ETV6: variants seen among roughly 807,000 people sequenced by gnomAD.
ETV6 encodes the protein transcription factor ETV6.
ETV6 carries 16 observed loss-of-function variants against 51.1 expected under a neutral mutation model. That is an observed-to-expected ratio of 0.31 (90% CI 0.21 to 0.48). The LOEUF (loss-of-function observed/expected upper bound fraction) is 0.48, where lower values mean the gene tolerates loss of function less well. Ranked by LOEUF, ETV6 falls within the 20% of genes least tolerant of loss-of-function variation. ETV6 has a pLI of 0.99. For missense variants in ETV6, 458 were observed against 594.8 expected, an observed-to-expected ratio of 0.77 and a Z score of 2.39; for synonymous variants, 240 against 224.1, an observed-to-expected ratio of 1.07 and a Z score of -0.64.
intron 2 of ETV6, among the ~76,000 whole-genome samples, chr12:11,785,215 C>A (rs1945468817): frequency 6.6e-6 from 1 of 152,034 alleles, no homozygotes; most frequent in Non-Finnish European, 1.5e-5. Flanking sequence ...CCGTACCAAG[C>A]ATGTTCCTAC....
rs35812814 is a variant in ETV6 at position 11,892,210 on chromosome 12, A to ATTTTTTTTTTTTTTTTTTTTTTTTT, written c.*1187_*1188insTTTTTTTTTTTTTTTTTTTTTTTTT. ...GTGGTCAGTTTCATGCCCTCACCTG[A>ATTTTTTTTTTTTTTTTTTTTTTTTT]TTTTTTTTTTTTTTTTTTTTTTTCA... On this transcript the variant is annotated 3_prime_UTR_variant, in exon 8 of 8. Transcript: ENST00000396373. 7.7e-5 allele frequency: 11 copies of ATTTTTTTTTTTTTTTTTTTTTTTTT among 142,254 alleles called. No homozygotes were observed. The highest frequency in any genetic ancestry group is 4.2e-4 in the African/African-American group (10 of 23,878). The allele number at this position is 142,254 out of a possible 1,614,324, so 8.8% of individuals were successfully genotyped here.
At chr12:11,690,768 T>G (rs1170192926) in intron 1 of ETV6, among the ~76,000 whole-genome samples, 1 of 151,744 alleles carries the variant, frequency 6.6e-6, no homozygotes, top group Non-Finnish European at 1.5e-5. Flanking sequence ...GCGCCGGTAG[T>G]CCCAGCTACT....
intron 1 of ETV6, among the ~76,000 whole-genome samples, chr12:11,651,270 G>C (rs1174177073): frequency 1.3e-5 from 2 of 152,210 alleles, no homozygotes; most frequent in African/African-American, 4.8e-5. Flanking sequence ...CAGCAACAAT[G>C]AACAAATAAC....
intron 4 of ETV6, among the ~76,000 whole-genome samples, chr12:11,854,064 G>T (rs566567277): frequency 2.6e-5 from 4 of 151,944 alleles, no homozygotes; most frequent in Non-Finnish European, 4.4e-5. Flanking sequence ...CCATAATGTC[G>T]AATCAGTGGG....
chr12:11,687,428 C>T (rs938834221), intron 1 of ETV6, among the ~76,000 whole-genome samples: 4 of 152,032 alleles, frequency 2.6e-5, no homozygotes, highest in African/African-American at 7.2e-5. Flanking sequence ...ATGATCCACC[C>T]GCGTCGGCCT....
chr12:11,752,301 C>T lies in ETV6; in HGVS notation c.34-149C>T, dbSNP rs543986652. 2.6e-4 allele frequency: 203 copies of T among 767,320 alleles called. 1 individual carries two copies. The highest frequency in any genetic ancestry group is 1.3e-3 in the African/African-American group (73 of 57,850). 47.5% of individuals were successfully genotyped at this position (767,320 alleles called of 1,614,324 possible). A position where few individuals can be genotyped will look rare whatever the true frequency, so the allele number is the denominator to read the frequency against. On this transcript the variant is annotated intron_variant, in intron 1 of 7. Coordinates refer to ENST00000396373, the MANE Select transcript of ETV6 (RefSeq NM_001987.5). ...AAGACAACTGTATACAGTGTCTCTACGGAGAGAGTAAGCCGGATTGCTTGG... is the reference window on the plus strand; with the variant it reads ...AAGACAACTGTATACAGTGTCTCTATGGAGAGAGTAAGCCGGATTGCTTGG...
intron 2 of ETV6, among the ~76,000 whole-genome samples, chr12:11,818,523 C>T (rs2136431127): frequency 7.2e-6 from 1 of 138,728 alleles, no homozygotes; most frequent in South Asian, 2.3e-4. Flanking sequence ...GCGAGAGAGA[C>T]TCTGTCTCAA....
intron 1 of ETV6, among the ~76,000 whole-genome samples, chr12:11,713,495 A>G (rs190342292): frequency 1.2e-4 from 19 of 152,302 alleles, no homozygotes; most frequent in Admixed American, 1.0e-3. Flanking sequence ...TCTCAAACAT[A>G]TCAAGCGCAC....
intron 1 of ETV6, among the ~76,000 whole-genome samples, chr12:11,727,647 C>T (rs10845408): frequency 0.29 from 43,994 of 151,904 alleles, 6,924 homozygotes; most frequent in East Asian, 0.45. Flanking sequence ...CTGTGACGTA[C>T]ATGGTCATGA....
intron 1 of ETV6, among the ~76,000 whole-genome samples, chr12:11,690,329 T>C (rs576995542): frequency 8.5e-5 from 13 of 152,202 alleles, no homozygotes; most frequent in Middle Eastern, 3.4e-3. Context: ...CACTGTGTTA[T>C]GATATTCTTG....
chr12:11,887,575 C>CCATCT (rs1947214649), intron 7 of ETV6, among the ~76,000 whole-genome samples: 1 of 151,832 alleles, frequency 6.6e-6, no homozygotes, highest in Non-Finnish European at 1.5e-5. Context: ...TGGTGAAACC[C>CCATCT]CATCTCTACT....
chr12:11,707,272 A>C (rs1480908449), intron 1 of ETV6, among the ~76,000 whole-genome samples: 1 of 152,170 alleles, frequency 6.6e-6, no homozygotes, highest in African/African-American at 2.4e-5. Flanking sequence ...AATAATAAAG[A>C]ATCCTGAGCA....
At chr12:11,707,152 T>C (rs1865087235) in intron 1 of ETV6, among the ~76,000 whole-genome samples, 1 of 152,102 alleles carries the variant, frequency 6.6e-6, no homozygotes, top group Admixed American at 6.5e-5. Flanking sequence ...GAGCGCTCAA[T>C]TGCAGAGTCT....
intron 2 of ETV6, among the ~76,000 whole-genome samples, chr12:11,787,644 T>A (rs1348914078): frequency 5.3e-5 from 8 of 152,174 alleles, no homozygotes. Context: ...GTTAGGCCAT[T>A]TGTTCAAGAT....
intron 2 of ETV6, among the ~76,000 whole-genome samples, chr12:11,804,465 C>A (rs942425024): frequency 6.6e-6 from 1 of 151,510 alleles, no homozygotes. Context: ...TTCAGCCACC[C>A]TGATCTTTTT....
chr12:11,710,582 C>T (rs964947361), intron 1 of ETV6, among the ~76,000 whole-genome samples: 2 of 152,192 alleles, frequency 1.3e-5, no homozygotes, highest in Middle Eastern at 3.2e-3. Context: ...GCTTCTGAAA[C>T]ACATTATGAA....
At chr12:11,737,302 G>C (rs1865722281) in intron 1 of ETV6, among the ~76,000 whole-genome samples, 1 of 152,222 alleles carries the variant, frequency 6.6e-6, no homozygotes, top group Non-Finnish European at 1.5e-5. Context: ...TGAGTCCATG[G>C]ATGGGGAGGG....
chr12:11,671,986 A>G (rs1461333796), intron 1 of ETV6, among the ~76,000 whole-genome samples: 1 of 148,684 alleles, frequency 6.7e-6, no homozygotes, highest in Non-Finnish European at 1.5e-5. Flanking sequence ...TCATGTTTGG[A>G]TCTGATCCTT....
chr12:11,678,250 T>C (rs1278482725), intron 1 of ETV6, among the ~76,000 whole-genome samples: 1 of 152,142 alleles, frequency 6.6e-6, no homozygotes. Context: ...CACGCTCCAA[T>C]TTGAAGGCTG....
Sources: allele counts gnomAD v4.1 joint callset (sites outside exome capture counted in the v4.1 genomes callset), GRCh38; gene constraint gnomAD v4.1.1; transcripts MANE v1.5; gene names NCBI Gene and HGNC (gene_info 2026-07-23, HGNC 2026-07-21).